Variants in SMAP1 observed in about 807,000 individuals in gnomAD.
SMAP1 encodes the protein small ArfGAP 1, also known as stromal membrane-associated protein 1.
In SMAP1, 24 loss-of-function variants were observed where a neutral mutation model predicts 58.5. The ratio of observed to expected loss-of-function variants is 0.41; its 90% CI spans 0.30 to 0.58. SMAP1 has a LOEUF of 0.58. SMAP1 is among the 20% of genes least tolerant of loss of function. The pLI, the probability that SMAP1 is intolerant of heterozygous loss-of-function variation, is 0.29. For missense variants in SMAP1, 563 were observed against 566.3 expected, an observed-to-expected ratio of 0.99 and a Z score of 0.06; for synonymous variants, 216 against 196.6, an observed-to-expected ratio of 1.10 and a Z score of -0.82.
chr6:70,793,360 A>AGAAG (rs1482186591), intron 5 of SMAP1, among the ~76,000 whole-genome samples: 1 of 152,112 alleles, frequency 6.6e-6, no homozygotes, highest in Admixed American at 6.6e-5. Flanking sequence ...AGAGGTCTTA[A>AGAAG]GAAGGTACAG....
intron 2 of SMAP1, among the ~76,000 whole-genome samples, chr6:70,735,628 GT>G (rs551441936): frequency 2.6e-5 from 4 of 152,198 alleles, no homozygotes; most frequent in Admixed American, 2.6e-4. Context: ...AATTAGCAGG[GT>G]GTGGTAACAC....
intron 1 of SMAP1, among the ~76,000 whole-genome samples, chr6:70,690,306 CT>C (rs1014369428): frequency 1.9e-4 from 28 of 148,448 alleles, no homozygotes; most frequent in African/African-American, 5.2e-4. Flanking sequence ...TTTTTAAAAT[CT>C]TTTTTTTTTG....
intron 1 of SMAP1, among the ~76,000 whole-genome samples, chr6:70,691,707 A>T (rs982608175): frequency 1.3e-5 from 2 of 152,152 alleles, no homozygotes; most frequent in Non-Finnish European, 2.9e-5. Flanking sequence ...TGAGAATGTG[A>T]GAAGTTTGTC....
chr6:70,706,189 G>A (rs1767830180), intron 1 of SMAP1, among the ~76,000 whole-genome samples: 1 of 152,092 alleles, frequency 6.6e-6, no homozygotes. Context: ...CGAAGTTGGT[G>A]GATCCTATTT....
chr6:70,751,068 C>T (rs1166861926), intron 2 of SMAP1, among the ~76,000 whole-genome samples: 4 of 152,018 alleles, frequency 2.6e-5, no homozygotes, highest in South Asian at 4.1e-4. Flanking sequence ...GGTGAAACCT[C>T]GTCTCTACTA....
At chr6:70,832,930 C>T (rs560904437) in intron 6 of SMAP1, among the ~76,000 whole-genome samples, 2 of 152,234 alleles carry the variant, frequency 1.3e-5, no homozygotes, top group African/African-American at 4.8e-5. Flanking sequence ...TCTCCTGAGT[C>T]TGTATTTTAA....
chr6:70,794,850 A>G (rs1768532845), intron 5 of SMAP1, among the ~76,000 whole-genome samples: 1 of 140,910 alleles, frequency 7.1e-6, no homozygotes, highest in Non-Finnish European at 1.5e-5. Flanking sequence ...GTGCAGTGGC[A>G]CGATCTCAGC....
intron 2 of SMAP1, among the ~76,000 whole-genome samples, chr6:70,738,398 T>G (rs1237903573): frequency 6.6e-6 from 1 of 151,964 alleles, no homozygotes; most frequent in Non-Finnish European, 1.5e-5. Context: ...GACAGATTTT[T>G]TTTTCTGAAT....
chr6:70,772,483 A>T (rs1767371698), intron 3 of SMAP1, among the ~76,000 whole-genome samples: 1 of 152,164 alleles, frequency 6.6e-6, no homozygotes, highest in Non-Finnish European at 1.5e-5. Context: ...AATAATTATC[A>T]GAAAGGAGTC....
In SMAP1 at chr6:70,777,429, A is replaced by G. The variant is rs532250457; in HGVS notation, c.414+4004A>G. On this transcript the variant is annotated intron_variant, in intron 4 of 10. Coordinates refer to ENST00000370455, the MANE Select transcript of SMAP1 (RefSeq NM_001044305.3). ...TTTTTGTGTCTTTTGAGAAATGTCT[A>G]TTCAGATCTTTTGCTTATTTTTTTA... 6.6e-5 allele frequency among the ~76,000 whole-genome samples: 10 copies of G among 152,150 alleles called. No individual in the cohort carries two copies. The South Asian group carries it at 1.7e-3, about 25-fold the overall frequency.
intron 1 of SMAP1, among the ~76,000 whole-genome samples, chr6:70,716,753 C>T (rs1768284303): frequency 6.6e-6 from 1 of 151,944 alleles, no homozygotes. Context: ...TTGTTGAGTT[C>T]TCAGTTTGTT....
In SMAP1 at chr6:70,810,952, T is replaced by A. The variant is rs116046236; in HGVS notation, c.576+12215T>A. Reference sequence around the variant, plus strand: ...AGCACAGTAAGACTCTACTTAAAGTTTATCTCTCTTTGGGATAATGAAAAT... The same window carrying A: ...AGCACAGTAAGACTCTACTTAAAGTATATCTCTCTTTGGGATAATGAAAAT... On this transcript the variant is annotated intron_variant, in intron 6 of 10. Transcript: ENST00000370455. 5.3e-3 allele frequency among the ~76,000 whole-genome samples: 805 copies of A among 152,312 alleles called. 8 individuals are homozygous for A. Among genetic ancestry groups the A allele is most frequent in the African/African-American group, 0.019 (773 of 41,556 alleles).
chr6:70,740,695 C>G (rs772145096), intron 2 of SMAP1, among the ~76,000 whole-genome samples: 1 of 152,160 alleles, frequency 6.6e-6, no homozygotes, highest in Non-Finnish European at 1.5e-5. Flanking sequence ...TAGACTGTCT[C>G]TCCCCATTCC....
At chr6:70,823,534 T>C (rs1197228030) in intron 6 of SMAP1, among the ~76,000 whole-genome samples, 1 of 152,124 alleles carries the variant, frequency 6.6e-6, no homozygotes, top group African/African-American at 2.4e-5. Flanking sequence ...CAAAATACAG[T>C]TGTCTGTTGG....
At chr6:70,827,967 T>C (rs1770204054) in intron 6 of SMAP1, among the ~76,000 whole-genome samples, 1 of 152,114 alleles carries the variant, frequency 6.6e-6, no homozygotes, top group Non-Finnish European at 1.5e-5. Context: ...TAAAGAATGG[T>C]AAACAGGAGA....
At chr6:70,831,060 T>A (rs1235262213) in intron 6 of SMAP1, among the ~76,000 whole-genome samples, 2 of 152,240 alleles carry the variant, frequency 1.3e-5, no homozygotes, top group East Asian at 3.8e-4. Flanking sequence ...GTTTGGTTTT[T>A]GAAATGCTGG....
At chr6:70,829,282 GTTTTT>G (rs549506516) in intron 6 of SMAP1, among the ~76,000 whole-genome samples, 1 of 145,956 alleles carries the variant, frequency 6.9e-6, no homozygotes, top group Non-Finnish European at 1.5e-5. Flanking sequence ...TTTTGTTTTT[GTTTTT>G]TTTATTTTTG....
intron 4 of SMAP1, among the ~76,000 whole-genome samples, chr6:70,790,972 G>A (rs767762230): frequency 6.6e-6 from 1 of 152,160 alleles, no homozygotes; most frequent in African/African-American, 2.4e-5. Context: ...AGGAAGATGT[G>A]TGAAAAAAGC....
chr6:70,722,876 C>T (rs1048387290), intron 1 of SMAP1, among the ~76,000 whole-genome samples: 3 of 152,184 alleles, frequency 2.0e-5, no homozygotes, highest in Admixed American at 6.5e-5. Flanking sequence ...CAACCTTCAG[C>T]GTGGGCGTCA....
Sources: allele counts gnomAD v4.1 joint callset (sites outside exome capture counted in the v4.1 genomes callset), GRCh38; gene constraint gnomAD v4.1.1; transcripts MANE v1.5; gene names NCBI Gene and HGNC (gene_info 2026-07-23, HGNC 2026-07-21).